HS6ST3: variants seen among roughly 807,000 people sequenced by gnomAD.
HS6ST3 encodes heparan sulfate 6-O-sulfotransferase 3.
Under a neutral mutation model 36.7 loss-of-function variants are expected in HS6ST3, and 12 were observed. The ratio of observed to expected loss-of-function variants is 0.33; its 90% CI spans 0.21 to 0.53. The LOEUF (loss-of-function observed/expected upper bound fraction) is 0.53. Among genes scored for constraint, HS6ST3 ranks in the 20% least tolerant of loss-of-function variants. The pLI, the probability that HS6ST3 is intolerant of heterozygous loss-of-function variation, is 0.95. For synonymous variants in HS6ST3, 240 were observed against 257.5 expected (o/e 0.93, Z 0.65); for missense variants, 584 against 640.9 (o/e 0.91, Z 0.96).
chr13:96,591,045 C>A (rs1594813624), intron 1 of HS6ST3, among the ~76,000 whole-genome samples: 1 of 148,056 alleles, frequency 6.8e-6, no homozygotes, highest in Non-Finnish European at 1.5e-5. Flanking sequence ...TCCCTTTGGT[C>A]TAGATGTCTG....
intron 1 of HS6ST3, among the ~76,000 whole-genome samples, chr13:96,700,275 T>G (rs953684931): frequency 7.2e-5 from 11 of 152,062 alleles, no homozygotes; most frequent in Admixed American, 4.6e-4. Context: ...GAGAACCAAG[T>G]GAAAAGGGAA....
chr13:96,546,505 T>A (rs1275115496), intron 1 of HS6ST3, among the ~76,000 whole-genome samples: 1 of 152,282 alleles, frequency 6.6e-6, no homozygotes, highest in Admixed American at 6.5e-5. Context: ...CATTCCACTA[T>A]TAATTATGCC....
At chr13:96,334,233 G>C (rs957430037) in intron 1 of HS6ST3, among the ~76,000 whole-genome samples, 5 of 152,178 alleles carry the variant, frequency 3.3e-5, no homozygotes, top group African/African-American at 1.2e-4. Context: ...CCCAGTGTTG[G>C]AGGTGGGGCC....
chr13:96,354,826 AT>A (rs1333703447), intron 1 of HS6ST3, among the ~76,000 whole-genome samples: 1 of 152,214 alleles, frequency 6.6e-6, no homozygotes, highest in Non-Finnish European at 1.5e-5. Flanking sequence ...ACTACTTGCT[AT>A]CAAATATAGA....
intron 1 of HS6ST3, among the ~76,000 whole-genome samples, chr13:96,778,179 C>T (rs554672904): frequency 1.1e-4 from 16 of 152,070 alleles, no homozygotes; most frequent in South Asian, 1.0e-3. Flanking sequence ...TGACTCAAGA[C>T]GGATTAAAGA....
chr13:96,772,778 T>C (rs1460161797), intron 1 of HS6ST3, among the ~76,000 whole-genome samples: 4 of 152,240 alleles, frequency 2.6e-5, no homozygotes, highest in Non-Finnish European at 5.9e-5. Flanking sequence ...GTCCTTCCTC[T>C]CATGTAGATT....
intron 1 of HS6ST3, among the ~76,000 whole-genome samples, chr13:96,181,015 T>C (rs1182665718): frequency 6.6e-6 from 1 of 152,206 alleles, no homozygotes; most frequent in Non-Finnish European, 1.5e-5. Flanking sequence ...AATAACATTC[T>C]GCTTAAGGTA....
At chr13:96,745,073 A>G (rs1461922684) in intron 1 of HS6ST3, among the ~76,000 whole-genome samples, 1 of 152,100 alleles carries the variant, frequency 6.6e-6, no homozygotes, top group Non-Finnish European at 1.5e-5. Context: ...CAGAAATTGT[A>G]TGATTCATAT....
At chr13:96,597,414 T>A (rs1331098717) in intron 1 of HS6ST3, among the ~76,000 whole-genome samples, 1 of 152,136 alleles carries the variant, frequency 6.6e-6, no homozygotes, top group Non-Finnish European at 1.5e-5. Flanking sequence ...TAATTTGCAT[T>A]TTCCTGATGA....
intron 1 of HS6ST3, among the ~76,000 whole-genome samples, chr13:96,355,358 TACACACACACACACACAC>T (rs66509801): frequency 0.012 from 1,716 of 140,570 alleles, 19 homozygotes; most frequent in African/African-American, 0.024. Context: ...AGTCTATAGT[TACACACACACACACACAC>T]ACACACACAC....
chr13:96,451,390 A>G (rs1036168975), intron 1 of HS6ST3, among the ~76,000 whole-genome samples: 1 of 152,242 alleles, frequency 6.6e-6, no homozygotes, highest in South Asian at 2.1e-4. Flanking sequence ...AGGCATAGTC[A>G]TGTTATCCAA....
intron 1 of HS6ST3, among the ~76,000 whole-genome samples, chr13:96,401,794 G>C (rs958891029): frequency 6.6e-6 from 1 of 152,040 alleles, no homozygotes; most frequent in East Asian, 1.9e-4. Context: ...GGCTGGTCTC[G>C]AACTCCTGAT....
At chr13:96,418,564 T>A (rs2055546228) in intron 1 of HS6ST3, among the ~76,000 whole-genome samples, 1 of 152,146 alleles carries the variant, frequency 6.6e-6, no homozygotes, top group Non-Finnish European at 1.5e-5. Flanking sequence ...AGCTCAGCAA[T>A]CTGACCTCCT....
intron 1 of HS6ST3, among the ~76,000 whole-genome samples, chr13:96,283,741 T>A (rs908487132): frequency 1.3e-5 from 2 of 152,208 alleles, no homozygotes; most frequent in African/African-American, 4.8e-5. Context: ...CTGTTACTCC[T>A]CCTTATGGGA....
At chr13:96,358,160 G>A (rs1485714564) in intron 1 of HS6ST3, among the ~76,000 whole-genome samples, 4 of 152,060 alleles carry the variant, frequency 2.6e-5, no homozygotes, top group Non-Finnish European at 4.4e-5. Context: ...ATGGAAGAAT[G>A]CTAACTAATA....
At chr13:96,801,591 A>C (rs143443467) in intron 1 of HS6ST3, among the ~76,000 whole-genome samples, 9 of 152,194 alleles carry the variant, frequency 5.9e-5, no homozygotes, top group Admixed American at 2.0e-4. Flanking sequence ...AATCTCATGA[A>C]CTGTCCTTAT....
At chr13:96,162,898 T>G (rs1206551489) in intron 1 of HS6ST3, among the ~76,000 whole-genome samples, 1 of 152,192 alleles carries the variant, frequency 6.6e-6, no homozygotes, top group Non-Finnish European at 1.5e-5. Context: ...TAATGTGGTT[T>G]AGTTTTTTTT....
Position 96,283,163 on chromosome 13 carries a change from A to T in HS6ST3, c.707+191594A>T, listed in dbSNP as rs183477500. On this transcript the variant is annotated intron_variant, in intron 1 of 1. Transcript: ENST00000376705. ...TTATTTTTCTTTGCAGAAAAATGCA[A>T]GCAAATGTTTGATCTATAAGTTCAT... Among the ~76,000 whole-genome samples, 11 of 152,338 alleles carry T rather than the reference A, an allele frequency of 7.2e-5. No homozygotes were observed. The East Asian group carries it at 1.5e-3, about 21-fold the overall frequency.
chr13:96,560,076 A>G (rs548776597), intron 1 of HS6ST3, among the ~76,000 whole-genome samples: 2 of 152,304 alleles, frequency 1.3e-5, no homozygotes, highest in South Asian at 4.1e-4. Context: ...ACAGGCCTAT[A>G]GTTGGCAACA....
Sources: gnomAD v4.1 joint callset for allele counts (sites outside exome capture counted in the v4.1 genomes callset) on GRCh38, gnomAD v4.1.1 for gene constraint, MANE v1.5 for transcripts, NCBI Gene and HGNC (gene_info 2026-07-23, HGNC 2026-07-21) for gene names.